METTL25: variants seen among roughly 807,000 people sequenced by gnomAD.
METTL25 encodes the protein probable methyltransferase-like protein 25.
In METTL25, 64 loss-of-function variants were observed where a neutral mutation model predicts 71.6. The ratio of observed to expected loss-of-function variants is 0.89; its 90% CI spans 0.73 to 1.10. METTL25 has a LOEUF of 1.10. Ranked by LOEUF, METTL25 falls within the 50% of genes least tolerant of loss-of-function variation. METTL25 has a pLI of 0.00. For synonymous variants in METTL25, 287 were observed against 250.3 expected (o/e 1.15, Z -1.38); for missense variants, 807 against 707.0 (o/e 1.14, Z -1.60).
At chr12:82,428,437 T>G (rs138933402) in intron 5 of METTL25, among the ~76,000 whole-genome samples, 63 of 152,026 alleles carry the variant, frequency 4.1e-4, no homozygotes, top group Admixed American at 8.5e-4. Flanking sequence ...TCTCTTTTTA[T>G]TTGTCAGGAA....
intron 3 of METTL25, among the ~76,000 whole-genome samples, chr12:82,394,623 C>T (rs1885914494): frequency 6.6e-6 from 1 of 151,914 alleles, no homozygotes; most frequent in Non-Finnish European, 1.5e-5. Context: ...GTGAACAAAA[C>T]AAACAAGAAA....
intron 9 of METTL25, among the ~76,000 whole-genome samples, chr12:82,471,002 A>G (rs1450601411): frequency 1.3e-5 from 2 of 152,172 alleles, no homozygotes; most frequent in African/African-American, 4.8e-5. Flanking sequence ...GGAGGACAAG[A>G]TGCTTGCTTT....
At position 82,398,978 on chromosome 12, in the gene METTL25, G is replaced by A; in HGVS notation, c.715G>A (p.Ala239Thr). The A allele has an allele frequency of 6.2e-7, 1 of 1,607,902 alleles. No individual in the cohort carries two copies. Among genetic ancestry groups the A allele is most frequent in the Non-Finnish European group, 8.5e-7 (1 of 1,177,320 alleles). ...AQSRLDVNGL[A>T]LKMAKERKVQ... is the part of the protein sequence containing the mutation. Reference sequence around the variant, plus strand: ...GTCAAGATTAGATGTCAATGGACTAGCATTAAAAATGGCAAAAGAAAGGAA... The same window carrying A: ...GTCAAGATTAGATGTCAATGGACTAACATTAAAAATGGCAAAAGAAAGGAA... Residue 239 changes from alanine (A) to threonine (T), a missense_variant, in exon 4 of 12, where the codon GCA becomes ACA. By Grantham distance (58) the Ala-to-Thr change is moderately conservative. Transcript: ENST00000248306.
At chr12:82,443,481 A>T (rs1386558896) in intron 8 of METTL25, among the ~76,000 whole-genome samples, 2 of 145,482 alleles carry the variant, frequency 1.4e-5, no homozygotes, top group Admixed American at 6.9e-5. Flanking sequence ...AAAAAAAAAG[A>T]AAAAAAAGAA....
chr12:82,446,478 C>T (rs1384342355), intron 8 of METTL25, among the ~76,000 whole-genome samples: 1 of 139,286 alleles, frequency 7.2e-6, no homozygotes, highest in Non-Finnish European at 1.6e-5. Context: ...TCATTTCTGA[C>T]TACAATGGAA....
intron 1 of METTL25, among the ~76,000 whole-genome samples, chr12:82,362,073 A>G (rs1361721443): frequency 6.6e-6 from 1 of 152,200 alleles, no homozygotes; most frequent in Non-Finnish European, 1.5e-5. Context: ...CGGCACAATC[A>G]TTTGGTGTTT....
chr12:82,434,757 G>GT (rs765168522), intron 7 of METTL25, 33 bp downstream of exon 7: 4 of 1,596,556 alleles, frequency 2.5e-6, no homozygotes, highest in Non-Finnish European at 3.4e-6. Context: ...GAACACGACA[G>GT]TTTTTCTCTC....
intron 3 of METTL25, among the ~76,000 whole-genome samples, chr12:82,397,450 G>A (rs1886180556): frequency 6.6e-6 from 1 of 151,830 alleles, no homozygotes; most frequent in South Asian, 2.1e-4. Context: ...TTTAATTTTA[G>A]TAAAGTCCAT....
chr12:82,415,416 C>T (rs1452918764), intron 5 of METTL25, among the ~76,000 whole-genome samples: 1 of 151,978 alleles, frequency 6.6e-6, no homozygotes, highest in East Asian at 1.9e-4. Context: ...TATTGTAAAT[C>T]GGGCTATATA....
At chr12:82,408,892 A>G (rs1284933065) in intron 5 of METTL25, among the ~76,000 whole-genome samples, 1 of 152,098 alleles carries the variant, frequency 6.6e-6, no homozygotes, top group African/African-American at 2.4e-5. Flanking sequence ...ATATCTCTGA[A>G]TGGTCAAATA....
intron 4 of METTL25, among the ~76,000 whole-genome samples, chr12:82,402,551 A>G (rs1365371731): frequency 6.6e-6 from 1 of 152,194 alleles, no homozygotes; most frequent in East Asian, 1.9e-4. Flanking sequence ...AAGAGATCAC[A>G]GTTATTTTAC....
chr12:82,457,892 T>A (rs536296365), intron 9 of METTL25, among the ~76,000 whole-genome samples: 22 of 151,860 alleles, frequency 1.4e-4, no homozygotes, highest in South Asian at 4.2e-4. Flanking sequence ...TAGGTTATTT[T>A]AAAAAAAATG....
At chr12:82,426,431 A>G (rs1026166100) in intron 5 of METTL25, among the ~76,000 whole-genome samples, 3 of 152,036 alleles carry the variant, frequency 2.0e-5, no homozygotes, top group Non-Finnish European at 2.9e-5. Flanking sequence ...GTCGTATCTT[A>G]AAGTTCCTAG....
At chr12:82,462,287 A>G (rs556557317) in intron 9 of METTL25, among the ~76,000 whole-genome samples, 1 of 152,330 alleles carries the variant, frequency 6.6e-6, no homozygotes, top group South Asian at 2.1e-4. Flanking sequence ...ATACAGTGCT[A>G]TAGACTGCTA....
intron 9 of METTL25, among the ~76,000 whole-genome samples, chr12:82,460,332 C>T (rs1891778635): frequency 6.6e-6 from 1 of 152,140 alleles, no homozygotes. Flanking sequence ...ATATTTCCTC[C>T]TCAAGGAGAT....
intron 5 of METTL25, among the ~76,000 whole-genome samples, chr12:82,424,456 A>G (rs1009997011): frequency 6.6e-6 from 1 of 152,134 alleles, no homozygotes; most frequent in African/African-American, 2.4e-5. Flanking sequence ...TAATGGGTGC[A>G]GCATGCCAAC....
chr12:82,382,741 G>T (rs1242328090), intron 1 of METTL25, among the ~76,000 whole-genome samples: 10 of 151,566 alleles, frequency 6.6e-5, no homozygotes, highest in African/African-American at 2.4e-4. Context: ...TTTGACTCAG[G>T]GTCTTGCTCT....
At chr12:82,366,267 T>C (rs1009098839) in intron 1 of METTL25, among the ~76,000 whole-genome samples, 1 of 152,182 alleles carries the variant, frequency 6.6e-6, no homozygotes, top group Non-Finnish European at 1.5e-5. Flanking sequence ...TTAAATTAGC[T>C]GGGGATAGCC....
At chr12:82,380,377 C>T (rs532393724) in intron 1 of METTL25, among the ~76,000 whole-genome samples, 2 of 151,956 alleles carry the variant, frequency 1.3e-5, no homozygotes, top group East Asian at 3.9e-4. Flanking sequence ...AAAAGTTTAC[C>T]TATGTAACAA....
Sources: allele counts gnomAD v4.1 joint callset (sites outside exome capture counted in the v4.1 genomes callset), GRCh38; gene constraint gnomAD v4.1.1; transcripts MANE v1.5; gene names NCBI Gene and HGNC (gene_info 2026-07-23, HGNC 2026-07-21).